The following KRT83 variants were observed in gnomAD, a reference collection of about 807,000 sequenced individuals.
KRT83 encodes keratin, type II cuticular Hb3.
A neutral mutation model predicts 52.9 loss-of-function variants in KRT83; 51 were observed. The observed-to-expected ratio is 0.96, with a 90% confidence interval of 0.77 to 1.22. KRT83 has a LOEUF of 1.22. Ranked by LOEUF, KRT83 falls within the 50% of genes most tolerant of loss-of-function variation. KRT83 has a pLI of 0.00. For missense variants in KRT83, 654 were observed against 666.5 expected (o/e 0.98, Z 0.21); for synonymous variants, 278 against 274.1 (o/e 1.01, Z -0.14).
chr12:52,315,817 C>A, intron 7 of KRT83, 76 bp downstream of exon 7: 6 of 1,596,216 alleles, frequency 3.8e-6, no homozygotes, highest in Non-Finnish European at 5.1e-6. Context: ...CACCTGGGGA[C>A]TGAGACTGAG....
In KRT83 at chr12:52,315,304, A is replaced by T. The variant is rs754341942; in HGVS notation, c.1294+8T>A. On this transcript the variant is annotated splice_region_variant and intron_variant, in intron 8 of 8. Transcript: ENST00000293670. ...TACATTTTCCTTTTCAGGGCTCAAG[A>T]TACTTACAGACATTCACAGCTTCAA... 11 of 1,613,570 alleles carry T rather than the reference A, an allele frequency of 6.8e-6. No homozygotes were observed. In the Admixed American group the frequency reaches 1.7e-4, roughly 24 times the overall value.
intron 2 of KRT83, among the ~76,000 whole-genome samples, chr12:52,318,333 G>T (rs753704490): frequency 1.3e-4 from 20 of 152,060 alleles, no homozygotes; most frequent in Non-Finnish European, 2.5e-4. Context: ...CCACCACCAC[G>T]CCTGGCTAAT....
At position 52,318,361 on chromosome 12, in the gene KRT83, T is replaced by A. The variant is rs141171732; in HGVS notation, c.594-391A>T. Among the ~76,000 whole-genome samples, 462 of 152,048 alleles carry A rather than the reference T, an allele frequency of 3.0e-3. 3 individuals are homozygous for A. Among genetic ancestry groups the A allele is most frequent in the South Asian group, 0.011 (55 of 4,798 alleles). ...TGGCTAATTCACTCCCCTGTTTTGG[T>A]GGAGGTTGGGAGAGCAGGATCTGGA... is the stretch of plus-strand genomic sequence containing the variant. On this transcript the variant is annotated intron_variant, in intron 2 of 8. Coordinates refer to ENST00000293670, the MANE Select transcript of KRT83 (RefSeq NM_002282.3).
Position 52,316,000 on chromosome 12 carries a change from T to G in KRT83, c.1155A>C (p.Gln385His), listed in dbSNP as rs767145882. ...ACTCCCTGATCAGGCAGGCCATGTCTTGCTTGGCCTTCTGCAGGGCGCCCT... is the reference window on the plus strand; with the variant it reads ...ACTCCCTGATCAGGCAGGCCATGTCGTGCTTGGCCTTCTGCAGGGCGCCCT... ...ELEGALQKAK[Q>H]DMACLIREYQ... Residue 385 changes from glutamine to histidine, a missense_variant, in exon 7 of 9, where the codon CAA becomes CAC. Transcript: ENST00000293670. 1 of 1,613,326 alleles carries G rather than the reference T, an allele frequency of 6.2e-7. No individual in the cohort carries two copies.
chr12:52,314,637 C>T lies in KRT83; in HGVS notation c.1476G>A (p.Arg492=), dbSNP rs761601312. Residue 492 remains arginine (R), a synonymous_variant, in exon 9 of 9, where the codon AGG becomes AGA. Transcript: ENST00000293670. ...TGGCTCTCTTTTGGGCCACTTAATG[C>T]CTCCCCTGGCCGCAGGAGCCCCCTC... The part of the protein sequence containing the change: ...TCGGGSCGQG[R]H 2 of 1,565,718 alleles carry T rather than the reference C, an allele frequency of 1.3e-6. No homozygotes were observed. The highest frequency in any genetic ancestry group is 1.7e-6 in the Non-Finnish European group (2 of 1,155,260).
At position 52,314,788 on chromosome 12, in the gene KRT83, C is replaced by T; in HGVS notation, c.1325G>A (p.Cys442Tyr). Residue 442 changes from cysteine to tyrosine, a missense_variant, in exon 9 of 9, where the codon TGC becomes TAC. By Grantham distance (194) the Cys-to-Tyr change is radical (BLOSUM62 -2). Coordinates refer to ENST00000293670, the MANE Select transcript of KRT83 (RefSeq NM_002282.3). ...CVSSSRGGVV[C>Y]GDLCVSGSRP... ...GGAGCCCGACACGCAGAGATCCCCG[C>T]ACACAACCCCACCCCGGGAGCTGCT... 1.2e-6 allele frequency: 2 copies of T among 1,606,996 alleles called. No homozygotes were observed. Among genetic ancestry groups the T allele is most frequent in the Non-Finnish European group, 1.7e-6 (2 of 1,177,426 alleles).
Position 52,315,973 on chromosome 12 carries a change from G to C in KRT83, c.1182C>G (p.Tyr394Ter). Residue 394 changes from tyrosine to a stop codon, truncating the protein, a stop_gained, in exon 7 of 9, where the codon TAC becomes TAG. Coordinates refer to ENST00000293670, the MANE Select transcript of KRT83 (RefSeq NM_002282.3). LOFTEE classifies it high-confidence loss of function. ...CTAGCTTGGAGTTCATCACCTCCTG[G>C]TACTCCCTGATCAGGCAGGCCATGT... ...KQDMACLIRE[Y>*]QEVMNSKLGL... The C allele has an allele frequency of 6.2e-7, 1 of 1,613,090 alleles. No homozygotes were observed. The highest frequency in any genetic ancestry group is 8.5e-7 in the Non-Finnish European group (1 of 1,179,948).
intron 1 of KRT83, among the ~76,000 whole-genome samples, 155 bp downstream of exon 1, chr12:52,320,797 C>A (rs1938756216): frequency 6.6e-6 from 1 of 152,198 alleles, no homozygotes; most frequent in Admixed American, 6.5e-5. Flanking sequence ...CCATTTTTGT[C>A]TTTCTGTCTG....
intron 2 of KRT83, among the ~76,000 whole-genome samples, chr12:52,318,785 T>G (rs1008428958): frequency 1.3e-5 from 2 of 152,212 alleles, no homozygotes; most frequent in Non-Finnish European, 2.9e-5. Context: ...CGTGGCCCTG[T>G]GTCACTATCA....
intron 8 of KRT83, 39 bp from the exon 9 acceptor site, chr12:52,314,857 T>A: frequency 6.4e-7 from 1 of 1,558,142 alleles, no homozygotes; most frequent in Admixed American, 1.8e-5. Flanking sequence ...CCCCTGCTGA[T>A]GGCCATCCCA....
At chr12:52,318,198 T>C (rs1469560864) in intron 2 of KRT83, among the ~76,000 whole-genome samples, 2 of 151,896 alleles carry the variant, frequency 1.3e-5, no homozygotes, top group South Asian at 2.1e-4. Flanking sequence ...GTTTTTGAGA[T>C]GGAGTCTCGC....
At chr12:52,320,818 G>A in intron 1 of KRT83, 134 bp downstream of exon 1, 1 of 1,562,192 alleles carries the variant, frequency 6.4e-7, no homozygotes. Context: ...TGTCCTAGAA[G>A]TATGACTACC....
chr12:52,316,365 G>T (rs899692890), intron 6 of KRT83, 103 bp downstream of exon 6: 1 of 1,524,606 alleles, frequency 6.6e-7, no homozygotes, highest in East Asian at 2.3e-5. Flanking sequence ...TGTCACCCAT[G>T]AGACTGCACT....
chr12:52,316,441 A>G (rs759085887), intron 6 of KRT83, 27 bp downstream of exon 6: 136 of 1,613,586 alleles, frequency 8.4e-5, no homozygotes, highest in Non-Finnish European at 1.1e-4. Context: ...CTCTTCCTAC[A>G]CTGAGGGGTG....
At chr12:52,315,109 T>C (rs1182187476) in intron 8 of KRT83, among the ~76,000 whole-genome samples, 2 of 152,182 alleles carry the variant, frequency 1.3e-5, no homozygotes, top group Admixed American at 6.5e-5. Flanking sequence ...GACATCTTAT[T>C]ATTTTTTCCC....
chr12:52,314,876 C>A (rs1938663354), intron 8 of KRT83, 58 bp from the exon 9 acceptor site: 1 of 1,493,650 alleles, frequency 6.7e-7, no homozygotes. Context: ...CATCCAGCCA[C>A]CTTCCTTTGG....
intron 1 of KRT83, 27 bp downstream of exon 1, chr12:52,320,925 A>T (rs1426835574): frequency 6.2e-7 from 1 of 1,613,782 alleles, no homozygotes; most frequent in African/African-American, 1.3e-5. Flanking sequence ...GGGGTTCAGG[A>T]AGGGTGTGAT....
In KRT83 at chr12:52,321,221, C is replaced by T; in HGVS notation, c.115G>A (p.Gly39Ser). 5 of 1,613,428 alleles carry T rather than the reference C, an allele frequency of 3.1e-6. No individual in the cohort carries two copies. The highest frequency in any genetic ancestry group is 1.3e-5 in the African/African-American group (1 of 75,060). ...RCCITAAPYR[G>S]ISCYRGLTGG... ...GTGAGGCCGCGGTAGCAGGAGATGC[C>T]GCGGTAGGGGGCGGCGGTGATGCAG... Residue 39 changes from glycine (G) to serine (S), a missense_variant, in exon 1 of 9, where the codon GGC (glycine) becomes AGC (serine). Coordinates refer to ENST00000293670, the MANE Select transcript of KRT83 (RefSeq NM_002282.3).
rs1938655740 is a variant in KRT83 at position 52,314,589 on chromosome 12, C to T, written c.*42G>A. On this transcript the variant is annotated 3_prime_UTR_variant, in exon 9 of 9. Transcript: ENST00000293670. ...AGCTGGTGGTGGGGCAGTGGCACGT[C>T]TGGCAGGCAGAAGGGGCTCCCCTGG... is the stretch of plus-strand genomic sequence containing the variant. 6.5e-7 allele frequency: 1 copy of T among 1,535,260 alleles called. No individual in the cohort carries two copies.
Sources: allele counts gnomAD v4.1 joint callset (sites outside exome capture counted in the v4.1 genomes callset), GRCh38; gene constraint gnomAD v4.1.1; transcripts MANE v1.5; gene names NCBI Gene and HGNC (gene_info 2026-07-23, HGNC 2026-07-21).